The following EXOG variants were observed in gnomAD, a reference collection of about 807,000 sequenced individuals.
EXOG encodes the protein exo/endonuclease G, also known as nuclease EXOG, mitochondrial.
Under a neutral mutation model 25.8 loss-of-function variants are expected in EXOG, and 27 were observed. The observed-to-expected ratio is 1.05, with a 90% CI of 0.77 to 1.45. The LOEUF is 1.45. EXOG is among the 40% of genes most tolerant of loss of function. The pLI is 0.00. For missense variants in EXOG, 458 were observed against 450.5 expected (o/e 1.02, Z -0.15); for synonymous variants, 133 against 167.0 (o/e 0.80, Z 1.57).
chr3:38,508,131 G>GA (rs1259480097), intron 5 of EXOG, among the ~76,000 whole-genome samples: 1 of 151,442 alleles, frequency 6.6e-6, no homozygotes, highest in African/African-American at 2.4e-5. Context: ...ACTCCACCTC[G>GA]AAAAAAATAA....
chr3:38,517,839 T>C (rs757196038), intron 5 of EXOG, among the ~76,000 whole-genome samples: 3 of 152,248 alleles, frequency 2.0e-5, no homozygotes, highest in Non-Finnish European at 4.4e-5. Context: ...TTCAGTTTTC[T>C]CAGAAGCATA....
At chr3:38,513,864 A>G (rs1320774333) in intron 5 of EXOG, 1 of 152,256 alleles carries the variant, frequency 6.6e-6, no homozygotes, top group Non-Finnish European at 1.5e-5. Context: ...TGGAGGAGAT[A>G]CCTAGTAAGT....
chr3:38,500,824 C>T (rs576282307), intron 2 of EXOG, among the ~76,000 whole-genome samples: 2 of 152,292 alleles, frequency 1.3e-5, no homozygotes, highest in African/African-American at 4.8e-5. Flanking sequence ...GAGCTCATAA[C>T]TTAAATGTTT....
In EXOG at chr3:38,525,327, A is replaced by G. The variant is rs2125811571; in HGVS notation, c.*965A>G. 2 of 985,126 alleles carry G rather than the reference A, an allele frequency of 2.0e-6. No homozygotes were observed. Among genetic ancestry groups the G allele is most frequent in the Non-Finnish European group, 2.4e-6 (2 of 829,650 alleles). The allele number at this position is 985,126 out of a possible 1,614,324, so 61.0% of individuals were successfully genotyped here. ...GAGGTAGATTCAAATCTTTTCTGAC[A>G]TGGATGGTGGCTTTTTACTCAGAAA... On this transcript the variant is annotated 3_prime_UTR_variant, in exon 6 of 6. Transcript: ENST00000287675.
chr3:38,506,832 CA>C lies in EXOG; in HGVS notation c.531-21del, dbSNP rs373161761. 2.1e-3 allele frequency: 2,502 copies of C among 1,192,034 alleles called. 2 individuals carry two copies. The highest frequency in any genetic ancestry group is 2.6e-3 in the Non-Finnish European group (2,088 of 801,612). The allele number at this position is 1,192,034 out of a possible 1,614,324, so 73.8% of individuals were successfully genotyped here. On this transcript the variant is annotated intron_variant, in intron 4 of 5. Coordinates refer to ENST00000287675, the MANE Select transcript of EXOG (RefSeq NM_005107.4). Reference sequence around the variant, plus strand: ...CATGTATATATGTGAGAATATCATACATTTTTTTATTTGTTTTTCAGAATAG... The same window carrying C: ...CATGTATATATGTGAGAATATCATACTTTTTTTATTTGTTTTTCAGAATAG...
At chr3:38,498,176 C>T (rs1465053066) in intron 2 of EXOG, among the ~76,000 whole-genome samples, 1 of 152,108 alleles carries the variant, frequency 6.6e-6, no homozygotes, top group South Asian at 2.1e-4. Flanking sequence ...AGTGGGTTGA[C>T]CCATCAAACA....
intron 4 of EXOG, among the ~76,000 whole-genome samples, chr3:38,506,338 T>G (rs1424009019): frequency 1.3e-5 from 2 of 152,242 alleles, no homozygotes; most frequent in Non-Finnish European, 2.9e-5. Context: ...AGTAAATTGA[T>G]ATAACCCTAT....
intron 5 of EXOG, among the ~76,000 whole-genome samples, chr3:38,508,227 C>CT (rs899194628): frequency 2.6e-5 from 4 of 152,048 alleles, no homozygotes; most frequent in African/African-American, 4.8e-5. Context: ...CTAGAAGCTT[C>CT]TTTTTTTTAA....
At chr3:38,497,458 A>G (rs1190619829) in intron 1 of EXOG, 171 bp from the exon 2 acceptor site, 3 of 1,361,026 alleles carry the variant, frequency 2.2e-6, no homozygotes, top group African/African-American at 3.0e-5. Context: ...TCTTCATCTC[A>G]TAAGTAATTG....
Position 38,511,040 on chromosome 3 carries a change from T to C in EXOG, c.645+4072T>C, listed in dbSNP as rs2060353829. On this transcript the variant is annotated intron_variant, in intron 5 of 5. Transcript: ENST00000287675. The stretch of plus-strand genomic sequence containing the variant: ...TCACACTGGCAAATCTTTAATTCAG[T>C]AAGTCATCCGTTCAGCAAATTTTCA... 2.0e-5 allele frequency among the ~76,000 whole-genome samples: 3 copies of C among 152,178 alleles called. No individual in the cohort carries two copies. In the South Asian group the frequency reaches 6.2e-4, roughly 31 times the overall value.
rs1222043396 is a variant in EXOG at position 38,496,399 on chromosome 3, G to C, written c.32G>C (p.Arg11Pro). 3.1e-6 allele frequency: 5 copies of C among 1,613,866 alleles called. No homozygotes were observed. Among genetic ancestry groups the C allele is most frequent in the South Asian group, 1.1e-5 (1 of 91,070 alleles). ...ATCAAGAGTATCGCTTCCCGCCTCCGGGGTTCCCGTCGTTTTCTGAGCGGC... is the reference window on the plus strand; with the variant it reads ...ATCAAGAGTATCGCTTCCCGCCTCCCGGGTTCCCGTCGTTTTCTGAGCGGC... The part of the protein sequence containing the change: MAIKSIASRL[R>P]GSRRFLSGFV... Residue 11 changes from arginine (R) to proline (P), a missense_variant, in exon 1 of 6, where the codon CGG becomes CCG. Physicochemically the swap from Arg to Pro is moderately radical, Grantham distance 103 (BLOSUM62 -2). Transcript: ENST00000287675.
chr3:38,510,799 A>G (rs1010254373), intron 5 of EXOG, among the ~76,000 whole-genome samples: 14 of 152,100 alleles, frequency 9.2e-5, no homozygotes, highest in East Asian at 1.9e-4. Context: ...AAAGAGACCT[A>G]TCAGCTCTCC....
At chr3:38,523,814 G>A in intron 5 of EXOG, 87 bp from the exon 6 acceptor site, 1 of 833,826 alleles carries the variant, frequency 1.2e-6, no homozygotes, top group Admixed American at 2.6e-5. Flanking sequence ...GTACATTTCA[G>A]CAATGCATTA....
chr3:38,522,454 A>G (rs2060746752), intron 5 of EXOG, among the ~76,000 whole-genome samples: 1 of 152,270 alleles, frequency 6.6e-6, no homozygotes, highest in African/African-American at 2.4e-5. Flanking sequence ...ATTGGGGACC[A>G]TTAAGTAAAT....
intron 4 of EXOG, among the ~76,000 whole-genome samples, chr3:38,504,905 G>C (rs1020263670): frequency 1.6e-4 from 24 of 152,240 alleles, no homozygotes; most frequent in Non-Finnish European, 7.4e-5. Context: ...AATGAAGAGA[G>C]CACCCTGCAC....
intron 4 of EXOG, among the ~76,000 whole-genome samples, chr3:38,505,237 C>T (rs921694594): frequency 6.6e-6 from 1 of 150,546 alleles, no homozygotes; most frequent in Non-Finnish European, 1.5e-5. Flanking sequence ...GTTGATATGT[C>T]TCTTTAGTTC....
At chr3:38,520,337 T>G (rs1030607665) in intron 5 of EXOG, among the ~76,000 whole-genome samples, 1 of 152,216 alleles carries the variant, frequency 6.6e-6, no homozygotes, top group African/African-American at 2.4e-5. Flanking sequence ...TAACTCCCAG[T>G]TGACTTCCAA....
intron 2 of EXOG, among the ~76,000 whole-genome samples, chr3:38,498,425 C>T (rs532186330): frequency 2.0e-5 from 3 of 152,088 alleles, no homozygotes; most frequent in East Asian, 1.9e-4. Context: ...CGTGGTGGTG[C>T]ACCTCTGTGG....
At chr3:38,500,674 G>C (rs374975112) in intron 2 of EXOG, among the ~76,000 whole-genome samples, 55 of 152,250 alleles carry the variant, frequency 3.6e-4, no homozygotes, top group African/African-American at 1.3e-3. Flanking sequence ...CTCACCTCAC[G>C]ATAGTGCAAT....
Sources: gnomAD v4.1 joint callset for allele counts (sites outside exome capture counted in the v4.1 genomes callset) on GRCh38, gnomAD v4.1.1 for gene constraint, MANE v1.5 for transcripts, NCBI Gene and HGNC (gene_info 2026-07-23, HGNC 2026-07-21) for gene names.